Variants in DGKB observed in about 807,000 individuals in gnomAD.
DGKB encodes 90 kDa diacylglycerol kinase.
Under a neutral mutation model 114.3 loss-of-function variants are expected in DGKB, and 67 were observed. The ratio of observed to expected loss-of-function variants is 0.59; its 90% CI spans 0.48 to 0.72. DGKB has a LOEUF of 0.72. Ranked by LOEUF, DGKB falls within the 30% of genes least tolerant of loss-of-function variation. The pLI is 0.00. For synonymous variants in DGKB, 398 were observed against 323.1 expected (o/e 1.23, Z -2.49); for missense variants, 907 against 975.2 (o/e 0.93, Z 0.93).
intron 23 of DGKB, among the ~76,000 whole-genome samples, chr7:14,289,507 TAGA>T: frequency 6.6e-6 from 1 of 152,268 alleles, no homozygotes; most frequent in South Asian, 2.1e-4. Flanking sequence ...ACATTCTATT[TAGA>T]AGATGATGTA....
At chr7:14,426,307 G>A (rs1317703669) in intron 21 of DGKB, among the ~76,000 whole-genome samples, 1 of 152,090 alleles carries the variant, frequency 6.6e-6, no homozygotes. Context: ...TGTAAATTAA[G>A]CTAAGTGATT....
chr7:14,207,190 A>G lies in DGKB; in HGVS notation c.2123-29039T>C, dbSNP rs568931219. On this transcript the variant is annotated intron_variant, in intron 23 of 25. Transcript: ENST00000402815. The stretch of plus-strand genomic sequence containing the variant: ...CTCCTTTGAGGTCAACATGTGATCC[A>G]TCAGTATGTGATCCATCAACATATG... 1.2e-4 allele frequency among the ~76,000 whole-genome samples: 19 copies of G among 152,184 alleles called. No homozygotes were observed. In the South Asian group the frequency reaches 3.9e-3, roughly 32 times the overall value.
chr7:14,857,902 G>C (rs756399223), intron 1 of DGKB, among the ~76,000 whole-genome samples: 1 of 151,954 alleles, frequency 6.6e-6, no homozygotes, highest in African/African-American at 2.4e-5. Flanking sequence ...AACTATCTCA[G>C]TTAAGAAACA....
intron 23 of DGKB, among the ~76,000 whole-genome samples, chr7:14,206,254 G>GTGAT (rs1286740451): frequency 1.3e-5 from 2 of 151,976 alleles, no homozygotes; most frequent in African/African-American, 4.8e-5. Context: ...TAAGTCCAAG[G>GTGAT]TGATAGATAG....
At chr7:14,846,655 T>C (rs1294686720) in intron 1 of DGKB, among the ~76,000 whole-genome samples, 1 of 152,132 alleles carries the variant, frequency 6.6e-6, no homozygotes, top group Non-Finnish European at 1.5e-5. Context: ...ATAAAATGAG[T>C]GTCAGGAGGG....
At chr7:14,586,212 C>A (rs1255793943) in intron 17 of DGKB, among the ~76,000 whole-genome samples, 1 of 152,032 alleles carries the variant, frequency 6.6e-6, no homozygotes, top group East Asian at 1.9e-4. Flanking sequence ...AAGTGTTACT[C>A]CAGCGAACAC....
chr7:14,362,113 T>C (rs970766496), intron 21 of DGKB, among the ~76,000 whole-genome samples: 7 of 152,036 alleles, frequency 4.6e-5, no homozygotes, highest in Non-Finnish European at 8.8e-5. Context: ...AGGGAAAATA[T>C]ATTACTGTCG....
chr7:14,410,447 C>A (rs1302706834), intron 21 of DGKB, among the ~76,000 whole-genome samples: 1 of 152,022 alleles, frequency 6.6e-6, no homozygotes, highest in Non-Finnish European at 1.5e-5. Context: ...CAAGACACAT[C>A]TAAAATAGAT....
chr7:14,747,570 C>G (rs1400170867), intron 4 of DGKB, among the ~76,000 whole-genome samples: 1 of 152,068 alleles, frequency 6.6e-6, no homozygotes, highest in Non-Finnish European at 1.5e-5. Context: ...TCATGACTTA[C>G]AAGAAAATTT....
intron 13 of DGKB, among the ~76,000 whole-genome samples, chr7:14,644,767 G>A (rs1217369270): frequency 1.3e-5 from 2 of 152,176 alleles, no homozygotes; most frequent in East Asian, 1.9e-4. Context: ...GATGGGGAAA[G>A]ACATGGAAAC....
intron 15 of DGKB, among the ~76,000 whole-genome samples, chr7:14,614,309 A>G (rs1806134458): frequency 6.6e-6 from 1 of 152,156 alleles, no homozygotes; most frequent in African/African-American, 2.4e-5. Flanking sequence ...ACCTGATTCC[A>G]ATGTTAAATA....
At chr7:14,675,474 CAGAT>C (rs1210354964) in intron 12 of DGKB, among the ~76,000 whole-genome samples, 5 of 151,996 alleles carry the variant, frequency 3.3e-5, no homozygotes, top group African/African-American at 1.2e-4. Context: ...ATCGAAGACT[CAGAT>C]AGAATCATGC....
chr7:14,729,123 C>CTTTCTTTTTTT lies in DGKB; in HGVS notation c.322+6917_322+6918insAAAAAAAGAAA, dbSNP rs1463141725. 9.0e-3 allele frequency among the ~76,000 whole-genome samples: 1,023 copies of CTTTCTTTTTTT among 113,302 alleles called. 35 individuals carry two copies. Among genetic ancestry groups the CTTTCTTTTTTT allele is most frequent in the African/African-American group, 0.036 (978 of 27,380 alleles). 74.3% of individuals were successfully genotyped at this position (113,302 alleles called of 152,430 possible). On this transcript the variant is annotated intron_variant, in intron 5 of 25. Coordinates refer to ENST00000402815, the MANE Select transcript of DGKB (RefSeq NM_001350709.2). The stretch of plus-strand genomic sequence containing the variant: ...AATGGAAACGGGTTTCATTTTCTTT[C>CTTTCTTTTTTT]TTTTTTTTTTTTTTTTTTTGATGGA...
chr7:14,258,705 A>C (rs1796298140), intron 23 of DGKB, among the ~76,000 whole-genome samples: 1 of 152,226 alleles, frequency 6.6e-6, no homozygotes, highest in Admixed American at 6.5e-5. Flanking sequence ...GTCTATGTAC[A>C]GCAGGAACTT....
intron 2 of DGKB, among the ~76,000 whole-genome samples, chr7:14,810,609 T>C (rs1018735865): frequency 2.0e-5 from 3 of 152,158 alleles, no homozygotes; most frequent in Non-Finnish European, 4.4e-5. Context: ...TCTTTTTTTT[T>C]CTTGAGACAG....
chr7:14,515,015 T>A, intron 20 of DGKB, among the ~76,000 whole-genome samples: 1 of 151,694 alleles, frequency 6.6e-6, no homozygotes, highest in Non-Finnish European at 1.5e-5. Flanking sequence ...TGAGAACCTG[T>A]CTCAAAACAA....
chr7:14,445,988 T>C (rs1830674143), intron 21 of DGKB, among the ~76,000 whole-genome samples: 1 of 152,100 alleles, frequency 6.6e-6, no homozygotes. Flanking sequence ...TTAAATTAAA[T>C]TTCACTAACT....
chr7:14,354,014 A>G (rs1326685470), intron 21 of DGKB, among the ~76,000 whole-genome samples: 9 of 152,216 alleles, frequency 5.9e-5, no homozygotes, highest in Admixed American at 6.5e-5. Flanking sequence ...CTGTCAATGA[A>G]GTCTGTATAG....
intron 2 of DGKB, among the ~76,000 whole-genome samples, chr7:14,769,240 AAG>A (rs1248724315): frequency 1.8e-5 from 2 of 113,252 alleles, no homozygotes; most frequent in African/African-American, 9.3e-5. Context: ...GAAAGAAAGA[AAG>A]AAAGAAAGAA....
Sources: gnomAD v4.1 joint callset for allele counts (sites outside exome capture counted in the v4.1 genomes callset) on GRCh38, gnomAD v4.1.1 for gene constraint, MANE v1.5 for transcripts, NCBI Gene and HGNC (gene_info 2026-07-23, HGNC 2026-07-21) for gene names.